The following PKD2 variants were observed in gnomAD, a reference collection of about 807,000 sequenced individuals.
The protein encoded by PKD2 is polycystin 2, transient receptor potential cation channel, also known as polycystin-2.
In PKD2, 48 loss-of-function variants were observed where a neutral mutation model predicts 105.9. The ratio of observed to expected loss-of-function variants is 0.45; its 90% CI spans 0.36 to 0.58. The LOEUF (loss-of-function observed/expected upper bound fraction) is 0.58. PKD2 is among the 20% of genes least tolerant of loss of function. The pLI, the probability that PKD2 is intolerant of heterozygous loss-of-function variation, is 0.00. For synonymous variants in PKD2, 464 were observed against 481.1 expected, an observed-to-expected ratio of 0.96 and a Z score of 0.46; for missense variants, 1,078 against 1,255.3, an observed-to-expected ratio of 0.86 and a Z score of 2.13.
intron 1 of PKD2, among the ~76,000 whole-genome samples, chr4:88,010,487 T>C (rs1726348717): frequency 1.3e-5 from 2 of 152,110 alleles, no homozygotes; most frequent in Admixed American, 1.3e-4. Flanking sequence ...CATGAATGGG[T>C]TGAGATTCCC....
At chr4:88,069,612 C>G (rs767443768) in intron 13 of PKD2, among the ~76,000 whole-genome samples, 6 of 151,900 alleles carry the variant, frequency 3.9e-5, no homozygotes, top group Non-Finnish European at 8.8e-5. Context: ...ATATAGTCAT[C>G]TACATATGTT....
intron 2 of PKD2, among the ~76,000 whole-genome samples, chr4:88,023,333 A>G (rs1326582331): frequency 3.9e-5 from 6 of 152,110 alleles, no homozygotes; most frequent in African/African-American, 1.4e-4. Context: ...ACACTTTTAA[A>G]TGACCAGATC....
rs116052041 is a variant in PKD2 at position 88,031,531 on chromosome 4, A to G, written c.710-4689A>G. On this transcript the variant is annotated intron_variant, in intron 2 of 14. Transcript: ENST00000237596. ...TGGAATACTGTGGCCAAGGCATCTTAGTTCTACTGTCTTTATATATCTAGT... is the reference window on the plus strand; with the variant it reads ...TGGAATACTGTGGCCAAGGCATCTTGGTTCTACTGTCTTTATATATCTAGT... Among the ~76,000 whole-genome samples, 909 of 152,282 alleles carry G rather than the reference A, an allele frequency of 6.0e-3. 12 individuals carry two copies. Among genetic ancestry groups the G allele is most frequent in the African/African-American group, 0.021 (852 of 41,548 alleles).
chr4:88,019,477 C>G lies in PKD2; in HGVS notation c.615C>G (p.Leu205=). 6.3e-7 allele frequency: 1 copy of G among 1,585,076 alleles called. No individual in the cohort carries two copies. Among genetic ancestry groups the G allele is most frequent in the African/African-American group, 1.3e-5 (1 of 74,440 alleles). ...RGLRGLWGTR[L]MEESSTNREK... The stretch of plus-strand genomic sequence containing the variant: ...TTAAAGGTCTCTGGGGAACAAGACT[C>G]ATGGAGGAAAGCAGCACTAACCGAG... The change falls in exon 2 of 15, where the codon CTC becomes CTG. Residue 205 remains leucine, a synonymous_variant. Coordinates refer to ENST00000237596, the MANE Select transcript of PKD2 (RefSeq NM_000297.4).
rs144369172 is a variant in PKD2 at position 88,021,527 on chromosome 4, C to A, written c.709+1956C>A. Among the ~76,000 whole-genome samples the A allele has an allele frequency of 2.5e-3, 373 of 152,070 alleles. 3 individuals carry two copies. Among genetic ancestry groups the A allele is most frequent in the African/African-American group, 8.6e-3 (358 of 41,518 alleles). Reference sequence around the variant, plus strand: ...TTTTTGGAATATTGTAGAATCTCTACTTAAGAAAGTATCTTAGCAGTCATA... The same window carrying A: ...TTTTTGGAATATTGTAGAATCTCTAATTAAGAAAGTATCTTAGCAGTCATA... On this transcript the variant is annotated intron_variant, in intron 2 of 14. Coordinates refer to ENST00000237596, the MANE Select transcript of PKD2 (RefSeq NM_000297.4).
chr4:88,046,442 T>C (rs145560296), intron 5 of PKD2, among the ~76,000 whole-genome samples, 200 bp from the exon 6 acceptor site: 11 of 151,704 alleles, frequency 7.3e-5, no homozygotes, highest in Middle Eastern at 3.4e-3. Flanking sequence ...CCTCAGGAAG[T>C]CTTATTCCTT....
chr4:88,014,793 C>G (rs1196785381), intron 1 of PKD2, among the ~76,000 whole-genome samples: 1 of 152,180 alleles, frequency 6.6e-6, no homozygotes, highest in African/African-American at 2.4e-5. Flanking sequence ...CCAACTGGGC[C>G]TCCTAAGGCC....
chr4:88,061,068 G>A (rs1720553122), intron 9 of PKD2, among the ~76,000 whole-genome samples: 1 of 152,166 alleles, frequency 6.6e-6, no homozygotes, highest in East Asian at 1.9e-4. Flanking sequence ...CTGCCTAGTA[G>A]GCCTGCTGTA....
At chr4:88,038,775 A>G (rs1727437705) in intron 4 of PKD2, among the ~76,000 whole-genome samples, 1 of 152,200 alleles carries the variant, frequency 6.6e-6, no homozygotes, top group African/African-American at 2.4e-5. Context: ...TGAGCGTTTG[A>G]AAATTTCATT....
Position 88,075,766 on chromosome 4 carries a change from C to T in PKD2, c.*72C>T, listed in dbSNP as rs1046832912. 2.2e-4 allele frequency: 227 copies of T among 1,012,620 alleles called. 4 individuals are homozygous for T. The South Asian group carries it at 2.7e-3, about 12-fold the overall frequency. 62.7% of individuals were successfully genotyped at this position (1,012,620 alleles called of 1,614,324 possible). On this transcript the variant is annotated 3_prime_UTR_variant, in exon 15 of 15. Transcript: ENST00000237596. ...GTCCTGAATTGCTGTAACAAGCACA[C>T]TATTTATATGCCCTGACCACCATAG...
chr4:88,007,644 C>T lies in PKD2; in HGVS notation c.-90C>T, dbSNP rs1328585659. 1.2e-6 allele frequency: 1 copy of T among 853,084 alleles called. No individual in the cohort carries two copies. The highest frequency in any genetic ancestry group is 1.4e-6 in the Non-Finnish European group (1 of 693,802). The allele number at this position is 853,084 out of a possible 1,614,324, so 52.8% of individuals were successfully genotyped here. A position where few individuals can be genotyped will look rare whatever the true frequency, so the allele number is the denominator to read the frequency against. ...GTCGGGGGCGGGGAGCAGGCGGCGG[C>T]GGGCGCCGGGAAGAAAGGAACATGG... On this transcript the variant is annotated 5_prime_UTR_variant, in exon 1 of 15. Transcript: ENST00000237596.
intron 9 of PKD2, among the ~76,000 whole-genome samples, chr4:88,058,596 G>C (rs937512488): frequency 2.0e-5 from 3 of 152,006 alleles, no homozygotes; most frequent in Non-Finnish European, 4.4e-5. Flanking sequence ...CTAAGATGTC[G>C]AGTAATAGTT....
intron 10 of PKD2, among the ~76,000 whole-genome samples, chr4:88,062,765 T>A (rs1452409172): frequency 6.6e-6 from 1 of 152,254 alleles, no homozygotes; most frequent in Non-Finnish European, 1.5e-5. Flanking sequence ...TAGGATTATG[T>A]TATCTGTGAT....
rs568713134 is a variant in PKD2 at position 88,075,955 on chromosome 4, C to T, written c.*261C>T. 26 of 423,980 alleles carry T rather than the reference C, an allele frequency of 6.1e-5. No individual in the cohort carries two copies. The highest frequency in any genetic ancestry group is 5.1e-4 in the South Asian group (19 of 37,412). 26.3% of individuals were successfully genotyped at this position (423,980 alleles called of 1,614,324 possible). A position where few individuals can be genotyped will look rare whatever the true frequency, so the allele number is the denominator to read the frequency against. ...TCTTCATGATGTGTATTGAGCGGTACGCCCAGTTGCCACCATGACTGAGTC... is the reference window on the plus strand; with the variant it reads ...TCTTCATGATGTGTATTGAGCGGTATGCCCAGTTGCCACCATGACTGAGTC... On this transcript the variant is annotated 3_prime_UTR_variant, in exon 15 of 15. Transcript: ENST00000237596.
chr4:88,062,357 A>G (rs779886568), intron 10 of PKD2, among the ~76,000 whole-genome samples: 3 of 152,240 alleles, frequency 2.0e-5, no homozygotes, highest in African/African-American at 7.2e-5. Context: ...GGAAGATTAT[A>G]TAAAGGGATT....
At chr4:88,051,862 G>A (rs1415474368) in intron 6 of PKD2, 129 bp from the exon 7 acceptor site, 1 of 607,978 alleles carries the variant, frequency 1.6e-6, no homozygotes, top group Non-Finnish European at 2.9e-6. Flanking sequence ...TTTTAAGAAT[G>A]ACATCGGGTA....
At chr4:88,013,338 G>A (rs539125416) in intron 1 of PKD2, among the ~76,000 whole-genome samples, 4 of 152,282 alleles carry the variant, frequency 2.6e-5, no homozygotes, top group South Asian at 4.1e-4. Context: ...CCTTCAAGGA[G>A]CTCAGGGTTT....
At chr4:88,070,559 A>G (rs1720972873) in intron 13 of PKD2, among the ~76,000 whole-genome samples, 1 of 134,820 alleles carries the variant, frequency 7.4e-6, no homozygotes, top group Admixed American at 8.1e-5. Flanking sequence ...TTATTTATTT[A>G]TTTATTTATT....
chr4:88,070,601 T>TATATATATATATAGAGAGAG (rs1313482750), intron 13 of PKD2, among the ~76,000 whole-genome samples: 1 of 91,482 alleles, frequency 1.1e-5, no homozygotes, highest in Admixed American at 1.4e-4. Flanking sequence ...TATATATATA[T>TATATATATATATAGAGAGAG]AGAGAGAGAG....
Sources: gnomAD v4.1 joint callset for allele counts (sites outside exome capture counted in the v4.1 genomes callset) on GRCh38, gnomAD v4.1.1 for gene constraint, MANE v1.5 for transcripts, NCBI Gene and HGNC (gene_info 2026-07-23, HGNC 2026-07-21) for gene names.